Variants in STARD13 observed in about 807,000 individuals in gnomAD.
The protein encoded by STARD13 is StAR related lipid transfer domain containing 13.
In STARD13, 62 loss-of-function variants were observed where a neutral mutation model predicts 106.4. That is an observed-to-expected ratio of 0.58 (90% CI 0.48 to 0.72). The LOEUF (loss-of-function observed/expected upper bound fraction) is 0.72. Ranked by LOEUF, STARD13 falls within the 30% of genes least tolerant of loss-of-function variation. STARD13 has a pLI of 0.00. For missense variants in STARD13, 1,387 were observed against 1,424.0 expected, an observed-to-expected ratio of 0.97 and a Z score of 0.42; for synonymous variants, 565 against 553.0, an observed-to-expected ratio of 1.02 and a Z score of -0.31.
chr13:33,596,960 C>A, the STARD13 span, among the ~76,000 whole-genome samples: 1 of 152,112 alleles, frequency 6.6e-6, no homozygotes, highest in East Asian at 1.9e-4. Flanking sequence ...AGGTTGGTTC[C>A]ACATCTTGGC....
chr13:33,127,245 T>A (rs1877310971), intron 6 of STARD13, 128 bp downstream of exon 6: 1 of 1,053,206 alleles, frequency 9.5e-7, no homozygotes, highest in Non-Finnish European at 1.3e-6. Context: ...ATGCCTTATG[T>A]CCAGGAGATC....
upstream of STARD13, among the ~76,000 whole-genome samples, chr13:33,286,732 G>T (rs1892076374): frequency 6.6e-6 from 1 of 152,086 alleles, no homozygotes; most frequent in Non-Finnish European, 1.5e-5. Context: ...ATTCTGATAG[G>T]CAGAGGCTGG....
intron 4 of STARD13, among the ~76,000 whole-genome samples, chr13:33,140,236 A>C (rs933311950): frequency 9.2e-5 from 14 of 152,204 alleles, no homozygotes; most frequent in African/African-American, 3.1e-4. Context: ...TCATGTCATT[A>C]GTTTTTTGGC....
At chr13:33,285,136 AC>A (rs1374541926) in intron 1 of STARD13, among the ~76,000 whole-genome samples, 3 of 152,162 alleles carry the variant, frequency 2.0e-5, no homozygotes, top group Admixed American at 2.0e-4. Flanking sequence ...TTTAAATGTG[AC>A]GGAGTGTGAG....
chr13:33,448,675 C>T, the STARD13 span, among the ~76,000 whole-genome samples: 157 of 152,128 alleles, frequency 1.0e-3, no homozygotes, highest in African/African-American at 3.6e-3. Context: ...TTTGAGGCAC[C>T]GCCATACTGT....
chr13:33,414,162 A>T, the STARD13 span, among the ~76,000 whole-genome samples: 2 of 152,236 alleles, frequency 1.3e-5, no homozygotes, highest in African/African-American at 4.8e-5. Flanking sequence ...CTAAAGTTTA[A>T]AAATAGAGAA....
chr13:33,299,863 G>A (rs1043517627), intron 1 of STARD13, among the ~76,000 whole-genome samples: 1 of 152,174 alleles, frequency 6.6e-6, no homozygotes, highest in African/African-American at 2.4e-5. Flanking sequence ...TTTAACCAAT[G>A]AACACAGTAA....
At chr13:33,169,780 G>C (rs1242544530) in intron 1 of STARD13, among the ~76,000 whole-genome samples, 1 of 152,194 alleles carries the variant, frequency 6.6e-6, no homozygotes. Flanking sequence ...AGAGTGGGAA[G>C]TGACCTATGA....
chr13:33,479,592 T>G, the STARD13 span, among the ~76,000 whole-genome samples: 3 of 152,244 alleles, frequency 2.0e-5, no homozygotes, highest in Non-Finnish European at 2.9e-5. Flanking sequence ...CTCTATGTAC[T>G]GCTATGGAGT....
At chr13:33,112,331 C>T (rs528596834) in intron 9 of STARD13, among the ~76,000 whole-genome samples, 2 of 152,210 alleles carry the variant, frequency 1.3e-5, no homozygotes, top group South Asian at 4.2e-4. Context: ...AATCTGAGCC[C>T]CGTGAATTAG....
At chr13:33,415,680 T>TTATAAA in the STARD13 span, among the ~76,000 whole-genome samples, 1 of 151,976 alleles carries the variant, frequency 6.6e-6, no homozygotes, top group South Asian at 2.1e-4. Context: ...TGTATAATGC[T>TTATAAA]GGTTTCATAA....
the STARD13 span, among the ~76,000 whole-genome samples, chr13:33,583,356 A>G: frequency 6.6e-6 from 1 of 152,212 alleles, no homozygotes; most frequent in African/African-American, 2.4e-5. Context: ...AAGGATGATT[A>G]TCCTACCGAA....
rs9568878 is a variant in STARD13, at chr13:33,130,153, G to C, written c.524C>G (p.Thr175Arg). ...ACTGCTGGTCGTGTTCCTCATCCCC[G>C]TGCCTCCCGGTGACCCATTTCTGTC... ...RGDRNGSPGG[T>R]GMRNTTSSES... is the part of the protein sequence containing the mutation. The change falls in exon 5 of 14, where the codon ACG becomes AGG. Residue 175 changes from threonine to arginine, a missense_variant. Physicochemically the swap from Thr to Arg is moderately conservative, Grantham distance 71. Transcript: ENST00000336934. The surrounding 1 kb of genome is among the most constrained non-coding windows in gnomAD (Gnocchi z 4.1). 1 of 1,614,056 alleles carries C rather than the reference G, an allele frequency of 6.2e-7. No homozygotes were observed. The highest frequency in any genetic ancestry group is 1.7e-5 in the Admixed American group (1 of 60,028).
At position 33,278,769 on chromosome 13, in the gene STARD13, G is replaced by T. The variant is rs951030405; in HGVS notation, c.169+6701C>A. On this transcript the variant is annotated intron_variant, in intron 1 of 13. Coordinates refer to ENST00000336934, the MANE Select transcript of STARD13 (RefSeq NM_178006.4). ...CAAGCCAAATTTGCAGCCCATTTTT[G>T]ATTATTATTCAAGGCCTTACATTTT... 4 of 152,032 alleles carry T rather than the reference G, an allele frequency of 2.6e-5. No homozygotes were observed. The East Asian group carries it at 7.7e-4, about 29-fold the overall frequency. The allele number at this position is 152,032 out of a possible 1,614,324, so 9.4% of individuals were successfully genotyped here. A position where few individuals can be genotyped will look rare whatever the true frequency, so the allele number is the denominator to read the frequency against.
At chr13:33,351,975 G>A (rs1485694106), upstream of STARD13, among the ~76,000 whole-genome samples, 1 of 152,174 alleles carries the variant, frequency 6.6e-6, no homozygotes, top group Non-Finnish European at 1.5e-5. Flanking sequence ...ATGATGGTAA[G>A]AAATAGTCTT....
intron 3 of STARD13, among the ~76,000 whole-genome samples, chr13:33,163,589 CAAAAAA>C (rs577772737): frequency 1.4e-3 from 75 of 53,638 alleles, no homozygotes; most frequent in African/African-American, 4.5e-3. Context: ...GACTCTGTCT[CAAAAAA>C]AAAAAAAAAA....
At chr13:33,395,906 A>G in the STARD13 span, among the ~76,000 whole-genome samples, 1 of 152,178 alleles carries the variant, frequency 6.6e-6, no homozygotes, top group Admixed American at 6.5e-5. Flanking sequence ...TAATGGTGCC[A>G]TCATGGTTCA....
chr13:33,404,396 T>C, the STARD13 span, among the ~76,000 whole-genome samples: 1 of 151,894 alleles, frequency 6.6e-6, no homozygotes, highest in Non-Finnish European at 1.5e-5. Context: ...AAGTTAGAAA[T>C]GAGAGAGAGA....
At chr13:33,274,692 A>T (rs1297542534) in intron 1 of STARD13, among the ~76,000 whole-genome samples, 1 of 152,156 alleles carries the variant, frequency 6.6e-6, no homozygotes, top group African/African-American at 2.4e-5. Context: ...TAGGTGACTT[A>T]TCTAAGATCA....
Sources: allele counts gnomAD v4.1 joint callset (sites outside exome capture counted in the v4.1 genomes callset), GRCh38; gene constraint gnomAD v4.1.1; non-coding constraint Gnocchi (gnomAD v3.1); transcripts MANE v1.5; gene names NCBI Gene and HGNC (gene_info 2026-07-23, HGNC 2026-07-21).